ZNF683: variants seen among roughly 807,000 people sequenced by gnomAD.
The protein encoded by ZNF683 is tissue-resident T-cell transcription regulator protein ZNF683.
ZNF683 carries 20 observed loss-of-function variants against 31.4 expected under a neutral mutation model. That is an observed-to-expected ratio of 0.64 (90% CI 0.45 to 0.93). ZNF683 has a LOEUF of 0.93. ZNF683 is among the 40% of genes least tolerant of loss of function. The pLI is 0.00. For synonymous variants in ZNF683, 264 were observed against 267.6 expected, an observed-to-expected ratio of 0.99 and a Z score of 0.13; for missense variants, 621 against 637.2, an observed-to-expected ratio of 0.97 and a Z score of 0.27.
chr1:26,372,644 C>T, intron 1 of ZNF683, 25 bp downstream of exon 1: 1 of 1,303,724 alleles, frequency 7.7e-7, no homozygotes, highest in Non-Finnish European at 1.0e-6. Flanking sequence ...AACTACTTCC[C>T]CTCTATCCGC....
rs1156961763 is a variant in ZNF683, at chr1:26,361,826, C to G, written c.1340G>C (p.Cys447Ser). ...HTQLPLASLA[C>S]LAQWHQGALD... ...TGCCCCCTGGTGCCATTGGGCAAGG[C>G]AGGCCAGAGAGGCCAGGGGCAGCTG... Residue 447 changes from cysteine (C) to serine (S), a missense_variant, in exon 6 of 6, where the codon TGC (cysteine) becomes TCC (serine). Transcript: ENST00000349618. The G allele has an allele frequency of 6.2e-7, 1 of 1,614,076 alleles. No individual in the cohort carries two copies. Among genetic ancestry groups the G allele is most frequent in the South Asian group, 1.1e-5 (1 of 91,086 alleles).
intron 3 of ZNF683, among the ~76,000 whole-genome samples, chr1:26,365,609 C>T (rs1336377703): frequency 6.6e-6 from 1 of 152,212 alleles, no homozygotes; most frequent in Non-Finnish European, 1.5e-5. Context: ...ATGAAGTTCT[C>T]AGTTGCACCA....
Position 26,372,700 on chromosome 1 carries a change from T to A in ZNF683, c.-46A>T. The A allele has an allele frequency of 7.8e-7, 1 of 1,275,456 alleles. No homozygotes were observed. The highest frequency in any genetic ancestry group is 1.0e-6 in the Non-Finnish European group (1 of 977,164). 79.0% of individuals were successfully genotyped at this position (1,275,456 alleles called of 1,614,324 possible). ...GATCATGGGCTTTCCTTGGCTTGGG[T>A]CTCTGGTCTGGGTCAAGGCATCTGC... On this transcript the variant is annotated 5_prime_UTR_variant, in exon 1 of 6. Coordinates refer to ENST00000349618, the MANE Select transcript of ZNF683 (RefSeq NM_001114759.3).
chr1:26,374,244 A>G (rs976786057), upstream of ZNF683: 5 of 1,303,028 alleles, frequency 3.8e-6, no homozygotes, highest in African/African-American at 6.1e-5. Flanking sequence ...CACCGAGTGA[A>G]GTTTCCTCCC....
Position 26,361,857 on chromosome 1 carries a change from G to A in ZNF683, c.1309C>T (p.His437Tyr). ...LHAPQPCGLVHTQLPLASLAC... is the reference protein window; with the variant it reads ...LHAPQPCGLVYTQLPLASLAC... Reference sequence around the variant, plus strand: ...AGAGAGGCCAGGGGCAGCTGGGTGTGCACCAGGCCACAGGGCTGTGGGGCA... The same window carrying A: ...AGAGAGGCCAGGGGCAGCTGGGTGTACACCAGGCCACAGGGCTGTGGGGCA... Residue 437 changes from histidine (H) to tyrosine (Y), a missense_variant, in exon 6 of 6, where the codon CAC becomes TAC. His to Tyr is a moderately conservative substitution (Grantham distance 83, BLOSUM62 2). Transcript: ENST00000349618. 1 of 1,614,048 alleles carries A rather than the reference G, an allele frequency of 6.2e-7. No individual in the cohort carries two copies. Among genetic ancestry groups the A allele is most frequent in the East Asian group, 2.2e-5 (1 of 44,886 alleles).
chr1:26,367,670 T>G lies in ZNF683; in HGVS notation c.242A>C (p.Asp81Ala), dbSNP rs777195146. The change falls in exon 3 of 6, where the codon GAC becomes GCC. Residue 81 changes from aspartate to alanine, a missense_variant. Coordinates refer to ENST00000349618, the MANE Select transcript of ZNF683 (RefSeq NM_001114759.3). ...CGGCTGTGGGGTGCACAGGTTCAGG[T>G]CCAGGTCCTGTAGGCAGGCCAGCAG... is the stretch of plus-strand genomic sequence containing the variant. The part of the protein sequence containing the change: ...SALLACLQDL[D>A]LNLCTPQPAP... The G allele has an allele frequency of 6.2e-6, 10 of 1,612,562 alleles. No individual in the cohort carries two copies. The highest frequency in any genetic ancestry group is 1.3e-5 in the African/African-American group (1 of 74,810).
At position 26,364,651 on chromosome 1, in the gene ZNF683, G is replaced by C. The variant is rs1330125907; in HGVS notation, c.895C>G (p.Pro299Ala). 1.2e-6 allele frequency: 2 copies of C among 1,613,988 alleles called. No homozygotes were observed. Among genetic ancestry groups the C allele is most frequent in the Admixed American group, 1.7e-5 (1 of 60,014 alleles). The change falls in exon 4 of 6, where the codon CCA becomes GCA. Residue 299 changes from proline (P) to alanine (A), a missense_variant. By Grantham distance (27) the Pro-to-Ala change is conservative. Transcript: ENST00000349618. ...GGMASPAKRV[P>A]LSSQTGTAAL... ...GCGGTGCCTGTCTGGGAACTCAATG[G>C]GACCCGCTTTGCTGGAGATGCCATG...
At chr1:26,368,392 C>T in intron 2 of ZNF683, 66 bp downstream of exon 2, 2 of 1,465,380 alleles carry the variant, frequency 1.4e-6, no homozygotes, top group Non-Finnish European at 1.8e-6. Flanking sequence ...TCCCCTTTTT[C>T]CTCCTAATGT....
upstream of ZNF683, among the ~76,000 whole-genome samples, chr1:26,373,790 A>G (rs1289618926): frequency 6.6e-6 from 1 of 152,224 alleles, no homozygotes; most frequent in East Asian, 1.9e-4. Context: ...GAATTGTCCA[A>G]GGAACAGAGT....
upstream of ZNF683, chr1:26,374,390 T>G (rs1265565605): frequency 1.6e-6 from 2 of 1,262,862 alleles, no homozygotes; most frequent in Non-Finnish European, 2.1e-6. Context: ...GGAAATGGCC[T>G]TGGAGATTTC....
chr1:26,370,863 T>A, intron 1 of ZNF683: 1 of 308,346 alleles, frequency 3.2e-6, no homozygotes, highest in Non-Finnish European at 4.7e-6. Context: ...CACTATCCAC[T>A]CAGCTTTGCC....
chr1:26,363,324 G>T (rs535108624), intron 4 of ZNF683, among the ~76,000 whole-genome samples, 170 bp from the exon 5 acceptor site: 1 of 152,302 alleles, frequency 6.6e-6, no homozygotes, highest in East Asian at 1.9e-4. Flanking sequence ...AGATGGCAGT[G>T]GTCAGAAGGC....
At chr1:26,373,015 T>A (rs1157100762), upstream of ZNF683, among the ~76,000 whole-genome samples, 3 of 152,228 alleles carry the variant, frequency 2.0e-5, no homozygotes, top group Non-Finnish European at 4.4e-5. Context: ...AATTCTGGTG[T>A]GCGTGAGTCT....
At position 26,367,214 on chromosome 1, in the gene ZNF683, G is replaced by A. The variant is rs2074544855; in HGVS notation, c.319+379C>T. Among the ~76,000 whole-genome samples the A allele has an allele frequency of 1.3e-5, 2 of 151,950 alleles. 1 individual carries two copies. On this transcript the variant is annotated intron_variant, in intron 3 of 5. Coordinates refer to ENST00000349618, the MANE Select transcript of ZNF683 (RefSeq NM_001114759.3). ...CTGGGAGGCAGAGGTTGCGGTGACT[G>A]GAGATCATGCCATTGCACTCCAGCC...
chr1:26,367,542 C>G (rs1049921534), intron 3 of ZNF683, 51 bp downstream of exon 3: 1 of 1,472,192 alleles, frequency 6.8e-7, no homozygotes, highest in African/African-American at 1.4e-5. Context: ...CAGTGCCCCC[C>G]ACCCTCCAGC....
intron 1 of ZNF683, 138 bp from the exon 2 acceptor site, chr1:26,368,723 G>A (rs1557741842): frequency 1.1e-5 from 11 of 981,830 alleles, no homozygotes; most frequent in East Asian, 6.3e-5. Context: ...TTCCCTATCC[G>A]CAAAATGGGA....
chr1:26,364,141 A>G (rs1457305875), intron 4 of ZNF683, among the ~76,000 whole-genome samples: 4 of 152,240 alleles, frequency 2.6e-5, no homozygotes, highest in East Asian at 3.8e-4. Context: ...TGACTGCCCA[A>G]AAAAATAAAT....
At position 26,368,353 on chromosome 1, in the gene ZNF683, G is replaced by A. The variant is rs146155187; in HGVS notation, c.114+105C>T. On this transcript the variant is annotated intron_variant, in intron 2 of 5. Coordinates refer to ENST00000349618, the MANE Select transcript of ZNF683 (RefSeq NM_001114759.3). ...GCCTGGGATAGGGGGTGCTCAGACTGGGAAGGAGATCTAGGTCCCTTCAGA... is the reference window on the plus strand; with the variant it reads ...GCCTGGGATAGGGGGTGCTCAGACTAGGAAGGAGATCTAGGTCCCTTCAGA... 1,691 of 1,348,932 alleles carry A rather than the reference G, an allele frequency of 1.3e-3. 17 individuals are homozygous for A. In the African/African-American group the frequency reaches 0.019, roughly 15 times the overall value. 83.6% of individuals were successfully genotyped at this position (1,348,932 alleles called of 1,614,324 possible). A position where few individuals can be genotyped will look rare whatever the true frequency, so the allele number is the denominator to read the frequency against.
chr1:26,366,135 A>T (rs111652767), intron 3 of ZNF683, among the ~76,000 whole-genome samples: 17,046 of 152,012 alleles, frequency 0.11, 1,165 homozygotes, highest in African/African-American at 0.18. Flanking sequence ...AGCCGAGATC[A>T]TGCCATTGCA....
Sources: gnomAD v4.1 joint callset for allele counts (sites outside exome capture counted in the v4.1 genomes callset) on GRCh38, gnomAD v4.1.1 for gene constraint, MANE v1.5 for transcripts, NCBI Gene and HGNC (gene_info 2026-07-23, HGNC 2026-07-21) for gene names.